Variants in HSF4 observed in about 807,000 individuals in gnomAD.
The protein encoded by HSF4 is heat shock factor protein 4.
A neutral mutation model predicts 52.0 loss-of-function variants in HSF4; 41 were observed. The observed-to-expected ratio is 0.79, with a 90% CI of 0.61 to 1.02. The LOEUF is 1.02. HSF4 is among the 50% of genes least tolerant of loss of function. HSF4 has a pLI of 0.00. For synonymous variants in HSF4, 285 were observed against 273.0 expected, an observed-to-expected ratio of 1.04 and a Z score of -0.43; for missense variants, 610 against 651.1, an observed-to-expected ratio of 0.94 and a Z score of 0.69.
intron 8 of HSF4, 26 bp downstream of exon 8, chr16:67,167,625 G>A (rs1259802859): frequency 8.7e-6 from 14 of 1,612,444 alleles, no homozygotes; most frequent in Non-Finnish European, 1.1e-5. Context: ...CTGCCCCTGA[G>A]GGGCCTGTGG....
rs1012283750 is a variant in HSF4 at position 67,166,521 on chromosome 16, G to T, written c.562-37G>T. ...GGAAGTGCGGGGGTGGGGGGGCTGT[G>T]TCCAAAGTATGAATTAAACCTTTGC... On this transcript the variant is annotated intron_variant, in intron 5 of 12. Transcript: ENST00000521374. 1.9e-6 allele frequency: 3 copies of T among 1,612,394 alleles called. No individual in the cohort carries two copies. The African/African-American group carries it at 4.0e-5, about 22-fold the overall frequency.
chr16:67,168,599 G>C (rs2031483278), intron 9 of HSF4, among the ~76,000 whole-genome samples: 1 of 151,960 alleles, frequency 6.6e-6, no homozygotes, highest in Admixed American at 6.6e-5. Flanking sequence ...GGAGGGGAAG[G>C]GTCCCAAAGC....
upstream of HSF4, chr16:67,163,841 G>A: frequency 1.3e-6 from 2 of 1,528,232 alleles, no homozygotes; most frequent in Non-Finnish European, 1.7e-6. Flanking sequence ...TCTCTCCCCC[G>A]TCCCCGTGGA....
At chr16:67,168,231 G>A (rs1295779511) in intron 9 of HSF4, among the ~76,000 whole-genome samples, 6 of 152,176 alleles carry the variant, frequency 3.9e-5, no homozygotes. Flanking sequence ...CAGCACTTTG[G>A]GAGGCTGAGG....
At chr16:67,166,502 G>A (rs1597240259) in intron 5 of HSF4, 56 bp from the exon 6 acceptor site, 5 of 1,604,588 alleles carry the variant, frequency 3.1e-6, no homozygotes, top group East Asian at 2.2e-5. Flanking sequence ...ACCTGGAAGT[G>A]CGGGGGTGGG....
intron 5 of HSF4, 58 bp downstream of exon 5, chr16:67,166,453 G>T (rs1052878983): frequency 6.3e-7 from 1 of 1,588,774 alleles, no homozygotes; most frequent in Non-Finnish European, 8.6e-7. Context: ...CCATTCCACC[G>T]CCCAGTCCCC....
Position 67,167,610 on chromosome 16 carries a change from C to T in HSF4, c.854+11C>T. On this transcript the variant is annotated intron_variant, in intron 8 of 12. Transcript: ENST00000521374. ...CAGTGATGGCAGGAGGTAAGGGGGACAGGGCTGCCCCTGAGGGGCCTGTGG... is the reference window on the plus strand; with the variant it reads ...CAGTGATGGCAGGAGGTAAGGGGGATAGGGCTGCCCCTGAGGGGCCTGTGG... 1 of 1,612,898 alleles carries T rather than the reference C, an allele frequency of 6.2e-7. No individual in the cohort carries two copies. The highest frequency in any genetic ancestry group is 2.2e-5 in the East Asian group (1 of 44,876).
At position 67,166,088 on chromosome 16, in the gene HSF4, G is replaced by A. The variant is rs991049112; in HGVS notation, c.485+18G>A. The A allele has an allele frequency of 2.6e-5, 16 of 604,204 alleles. No individual in the cohort carries two copies. Among genetic ancestry groups the A allele is most frequent in the Admixed American group, 1.1e-4 (4 of 36,574 alleles). The allele number at this position is 604,204 out of a possible 1,614,324, so 37.4% of individuals were successfully genotyped here. On this transcript the variant is annotated intron_variant, in intron 4 of 12. Coordinates refer to ENST00000521374, the MANE Select transcript of HSF4 (RefSeq NM_001374675.1). ...CTCAGGCAGTGCGGGGGCGGGCGGG[G>A]AAAGAGGGGACAGGGGTGGGGGGTT...
rs766091707 is a variant in HSF4 at position 67,166,412 on chromosome 16, G to C, written c.561+17G>C. ...ATTGGCAAGGTGTTCCTCTCCCCAA[G>C]CCTCGCTTCTCCCTCCCACTCCTCG... On this transcript the variant is annotated intron_variant, in intron 5 of 12. Transcript: ENST00000521374. 1.9e-6 allele frequency: 3 copies of C among 1,604,848 alleles called. No individual in the cohort carries two copies. Among genetic ancestry groups the C allele is most frequent in the African/African-American group, 2.7e-5 (2 of 74,628 alleles).
Position 67,165,749 on chromosome 16 carries a change from A to T in HSF4, c.263A>T (p.Gln88Leu). 1 of 1,611,622 alleles carries T rather than the reference A, an allele frequency of 6.2e-7. No homozygotes were observed. Among genetic ancestry groups the T allele is most frequent in the Non-Finnish European group, 8.5e-7 (1 of 1,179,768 alleles). ...TTTCGGAAGGTGGTGAGCATCGAGC[A>T]GGGCGGCCTGCTTAGGCCGGAGCGC... Reference protein sequence around the residue: ...YGFRKVVSIEQGGLLRPERDH... With the variant: ...YGFRKVVSIELGGLLRPERDH... Residue 88 changes from glutamine to leucine, a missense_variant, in exon 3 of 13, where the codon CAG becomes CTG. Gln to Leu is a moderately radical substitution (Grantham distance 113, BLOSUM62 -2). Coordinates refer to ENST00000521374, the MANE Select transcript of HSF4 (RefSeq NM_001374675.1). This position sits in a 1 kb window ranked among gnomAD's most constrained non-coding sequence, Gnocchi z 6.9.
At chr16:67,164,043 C>T (rs1020294862), upstream of HSF4, 4 of 720,664 alleles carry the variant, frequency 5.6e-6, no homozygotes, top group Admixed American at 4.0e-5. Flanking sequence ...CGGTCCTGGA[C>T]ACACTGCCCC....
rs199896245 is a variant in HSF4, at chr16:67,169,043, G to A, written c.1196G>A (p.Gly399Asp). 77 of 1,613,980 alleles carry A rather than the reference G, an allele frequency of 4.8e-5. 1 individual carries two copies. The African/African-American group carries it at 5.6e-4, about 12-fold the overall frequency. Residue 399 changes from glycine (G) to aspartate (D), a missense_variant, in exon 11 of 13, where the codon GGC becomes GAC. Gly to Asp is a moderately conservative substitution (Grantham distance 94, BLOSUM62 -1). Transcript: ENST00000521374. This position sits in a 1 kb window ranked among gnomAD's most constrained non-coding sequence, Gnocchi z 4.3. ...ACCCAGAGCTCTCCTCAGGTGCTGG[G>A]CCCCAGTCTCCAAGGGCGAGAATGG... ...VEPAGPLDVL[G>D]PSLQGREWTL... is the part of the protein sequence containing the mutation.
In HSF4 at chr16:67,167,794, C is replaced by A; in HGVS notation, c.929C>A (p.Ala310Asp). 1 of 1,598,486 alleles carries A rather than the reference C, an allele frequency of 6.3e-7. No individual in the cohort carries two copies. The highest frequency in any genetic ancestry group is 1.3e-5 in the African/African-American group (1 of 74,778). The change falls in exon 9 of 13, where the codon GCC (alanine) becomes GAC (aspartate). Residue 310 changes from alanine to aspartate, a missense_variant. Transcript: ENST00000521374. ...GATGGCGAGGCCGGGCTGGCCCTGG[C>A]CCCAAACGAGTGTGACTTCTGCGTG... ...GGDGEAGLAL[A>D]PNECDFCVTA... is the part of the protein sequence containing the mutation.
upstream of HSF4, chr16:67,164,181 C>A (rs774216575): frequency 5.6e-6 from 3 of 535,000 alleles, no homozygotes; most frequent in South Asian, 4.8e-5. Flanking sequence ...AGTGTTTCTG[C>A]GTCCTATTAA....
upstream of HSF4, chr16:67,164,727 G>A: frequency 6.9e-7 from 1 of 1,455,644 alleles, no homozygotes; most frequent in East Asian, 2.6e-5. Context: ...GTAGGGCGGA[G>A]CGGGCGGCAA....
rs1476177299 is a variant in HSF4 at position 67,169,268 on chromosome 16, T to G, written c.1255-11T>G. ...TCCCCTCCCCAGCTGCTCCCTGCGG[T>G]TCTCACGCAGATGCAGCCCTTGGTT... is the stretch of plus-strand genomic sequence containing the variant. On this transcript the variant is annotated splice_polypyrimidine_tract_variant and intron_variant, in intron 11 of 12. Transcript: ENST00000521374. The surrounding 1 kb of genome is among the most constrained non-coding windows in gnomAD (Gnocchi z 4.3). 5.0e-6 allele frequency: 8 copies of G among 1,613,258 alleles called. No individual in the cohort carries two copies. Among genetic ancestry groups the G allele is most frequent in the Non-Finnish European group, 6.8e-6 (8 of 1,179,916 alleles).
chr16:67,169,225 T>A lies in HSF4; in HGVS notation c.1255-54T>A. On this transcript the variant is annotated intron_variant, in intron 11 of 12. Coordinates refer to ENST00000521374, the MANE Select transcript of HSF4 (RefSeq NM_001374675.1). This position sits in a 1 kb window ranked among gnomAD's most constrained non-coding sequence, Gnocchi z 4.3. ...AATTGTCACAGTGATTTCCCAGCTG[T>A]CCCCCTCAGCTGCTAGGTCCCCTCC... is the stretch of plus-strand genomic sequence containing the variant. 6.2e-7 allele frequency: 1 copy of A among 1,608,096 alleles called. No individual in the cohort carries two copies. The highest frequency in any genetic ancestry group is 8.5e-7 in the Non-Finnish European group (1 of 1,176,816).
In HSF4 at chr16:67,169,864, G is replaced by A. The variant is rs1323597146; in HGVS notation, c.*79G>A. The A allele has an allele frequency of 1.5e-5, 23 of 1,505,128 alleles. No homozygotes were observed. Among genetic ancestry groups the A allele is most frequent in the Non-Finnish European group, 2.0e-5 (22 of 1,084,436 alleles). The allele number at this position is 1,505,128 out of a possible 1,614,324, so 93.2% of individuals were successfully genotyped here. On this transcript the variant is annotated 3_prime_UTR_variant, in exon 13 of 13. Coordinates refer to ENST00000521374, the MANE Select transcript of HSF4 (RefSeq NM_001374675.1). This position sits in a 1 kb window ranked among gnomAD's most constrained non-coding sequence, Gnocchi z 4.3. ...TGGCTTCCTGGCGCCCCCTATCGGG[G>A]GTGAGCGAAGCCCCCACTACTAAAT... is the stretch of plus-strand genomic sequence containing the variant.
chr16:67,164,454 C>A, upstream of HSF4: 1 of 511,950 alleles, frequency 2.0e-6, no homozygotes, highest in Non-Finnish European at 3.8e-6. Flanking sequence ...TTGCCCAGCC[C>A]ACACCAGGTC....
Sources: gnomAD v4.1 joint callset for allele counts (sites outside exome capture counted in the v4.1 genomes callset) on GRCh38, gnomAD v4.1.1 for gene constraint, Gnocchi (gnomAD v3.1) non-coding constraint, MANE v1.5 for transcripts, NCBI Gene and HGNC (gene_info 2026-07-23, HGNC 2026-07-21) for gene names.